TRPA1: variants seen among roughly 807,000 people sequenced by gnomAD.
TRPA1 encodes transient receptor potential cation channel subfamily A member 1.
Under a neutral mutation model 131.3 loss-of-function variants are expected in TRPA1, and 129 were observed. The ratio of observed to expected loss-of-function variants is 0.98; its 90% CI spans 0.85 to 1.14. TRPA1 has a LOEUF of 1.14. Ranked by LOEUF, TRPA1 falls within the 50% of genes most tolerant of loss-of-function variation. The probability of loss-of-function intolerance (pLI) is 0.00; values close to 1 mark genes in which losing one functional copy is unlikely to be tolerated. For synonymous variants in TRPA1, 441 were observed against 451.7 expected, an observed-to-expected ratio of 0.98 and a Z score of 0.30; for missense variants, 1,304 against 1,354.2, an observed-to-expected ratio of 0.96 and a Z score of 0.58.
intron 24 of TRPA1, among the ~76,000 whole-genome samples, chr8:72,029,262 G>A (rs17812163): frequency 0.07 from 10,662 of 152,272 alleles, 530 homozygotes; most frequent in Middle Eastern, 0.12. Flanking sequence ...GAGCTCCTTT[G>A]AACAGCGGGG....
intron 19 of TRPA1, 69 bp downstream of exon 19, chr8:72,038,795 GT>G: frequency 7.5e-7 from 1 of 1,340,178 alleles, no homozygotes; most frequent in Middle Eastern, 2.6e-4. Context: ...TTTATTATGG[GT>G]TTAGTAGTCT....
At chr8:72,053,021 G>GAGAGAA (rs1585871574) in intron 13 of TRPA1, 2 of 346,554 alleles carry the variant, frequency 5.8e-6, no homozygotes, top group East Asian at 6.4e-5. Context: ...GAGAGAGAGA[G>GAGAGAA]AGAGAGAGAG....
At chr8:72,049,014 T>C (rs1805421010) in intron 15 of TRPA1, among the ~76,000 whole-genome samples, 1 of 152,148 alleles carries the variant, frequency 6.6e-6, no homozygotes, top group Non-Finnish European at 1.5e-5. Flanking sequence ...AAGTTTGAGA[T>C]TAGGTATTTA....
chr8:72,034,218 C>CA, intron 22 of TRPA1, 30 bp downstream of exon 22: 1 of 1,586,548 alleles, frequency 6.3e-7, no homozygotes. Flanking sequence ...TTCACAGCGA[C>CA]AAAATCAACT....
intron 24 of TRPA1, 31 bp from the exon 25 acceptor site, chr8:72,026,104 T>G: frequency 6.5e-7 from 1 of 1,550,228 alleles, no homozygotes; most frequent in Non-Finnish European, 8.9e-7. Context: ...ATTGATAGAA[T>G]CATTAGTTAG....
intron 17 of TRPA1, among the ~76,000 whole-genome samples, chr8:72,043,695 A>G (rs1347921363): frequency 6.6e-6 from 1 of 151,816 alleles, no homozygotes; most frequent in Non-Finnish European, 1.5e-5. Flanking sequence ...TTCTGTTTTT[A>G]GCTTCCTTGT....
intron 1 of TRPA1, among the ~76,000 whole-genome samples, chr8:72,074,334 T>G (rs1806129205): frequency 1.3e-5 from 2 of 152,222 alleles, no homozygotes; most frequent in Admixed American, 6.5e-5. Flanking sequence ...TGAAATGTAT[T>G]CAAAAATACA....
chr8:72,076,097 G>C (rs1806179264), upstream of TRPA1, among the ~76,000 whole-genome samples: 1 of 152,100 alleles, frequency 6.6e-6, no homozygotes, highest in African/African-American at 2.4e-5. Context: ...CATTCCAAAC[G>C]TTTGGGACAA....
At chr8:72,048,141 A>C (rs1191785650) in intron 15 of TRPA1, among the ~76,000 whole-genome samples, 3 of 152,152 alleles carry the variant, frequency 2.0e-5, no homozygotes, top group African/African-American at 7.2e-5. Flanking sequence ...TGGGGTCAAT[A>C]GAGCCACCTC....
chr8:72,040,147 C>T (rs1231792090), intron 17 of TRPA1, among the ~76,000 whole-genome samples: 1 of 152,124 alleles, frequency 6.6e-6, no homozygotes, highest in African/African-American at 2.4e-5. Context: ...TCAGGCTTAT[C>T]TTTCCAGAAG....
chr8:72,044,076 A>G (rs998864236), intron 17 of TRPA1, among the ~76,000 whole-genome samples: 3 of 151,624 alleles, frequency 2.0e-5, no homozygotes, highest in African/African-American at 7.3e-5. Flanking sequence ...TTTTACCCCA[A>G]CCATTTGAAA....
At chr8:72,074,134 A>G (rs1012402648) in intron 1 of TRPA1, among the ~76,000 whole-genome samples, 9 of 141,090 alleles carry the variant, frequency 6.4e-5, no homozygotes, top group Admixed American at 1.4e-4. Context: ...ACCAAGGGAC[A>G]GACAGACAGA....
At chr8:72,026,843 C>T (rs1355082272) in intron 24 of TRPA1, among the ~76,000 whole-genome samples, 1 of 151,922 alleles carries the variant, frequency 6.6e-6, no homozygotes, top group African/African-American at 2.4e-5. Flanking sequence ...AAATACTTTC[C>T]AATATTAGTG....
intron 15 of TRPA1, among the ~76,000 whole-genome samples, chr8:72,050,211 G>C (rs1805465952): frequency 6.6e-6 from 1 of 151,934 alleles, no homozygotes. Context: ...TTCTGTCCTT[G>C]TGACAGTTTG....
intron 3 of TRPA1, among the ~76,000 whole-genome samples, chr8:72,068,362 A>G (rs933119203): frequency 2.6e-5 from 4 of 152,220 alleles, no homozygotes; most frequent in African/African-American, 9.6e-5. Flanking sequence ...TTTAAAAACC[A>G]TGGCCTAATT....
chr8:72,047,770 C>G (rs1444522438), intron 15 of TRPA1, among the ~76,000 whole-genome samples: 1 of 152,020 alleles, frequency 6.6e-6, no homozygotes, highest in Non-Finnish European at 1.5e-5. Flanking sequence ...ACACTTGGAT[C>G]CCATCCTTAT....
upstream of TRPA1, among the ~76,000 whole-genome samples, chr8:72,077,080 CAT>C (rs1219841825): frequency 6.6e-6 from 1 of 152,166 alleles, no homozygotes; most frequent in African/African-American, 2.4e-5. Flanking sequence ...GGAAATGCCT[CAT>C]AGGAATATTA....
At chr8:72,068,973 C>T (rs999130105) in intron 3 of TRPA1, 50 bp downstream of exon 3, 1 of 1,606,340 alleles carries the variant, frequency 6.2e-7, no homozygotes, top group South Asian at 1.1e-5. Flanking sequence ...ATCTGGGTCC[C>T]AGCACCTGCA....
intron 1 of TRPA1, among the ~76,000 whole-genome samples, chr8:72,073,226 A>G (rs1185172184): frequency 1.3e-5 from 2 of 152,236 alleles, no homozygotes; most frequent in East Asian, 1.9e-4. Flanking sequence ...CAATGTGGCC[A>G]AAAGGTTGGA....
Sources: allele counts gnomAD v4.1 joint callset (sites outside exome capture counted in the v4.1 genomes callset), GRCh38; gene constraint gnomAD v4.1.1; transcripts MANE v1.5; gene names NCBI Gene and HGNC (gene_info 2026-07-23, HGNC 2026-07-21).